The following ERICH1 variants were observed in gnomAD, a reference collection of about 807,000 sequenced individuals.
ERICH1 encodes glutamate rich 1.
Under a neutral mutation model 39.6 loss-of-function variants are expected in ERICH1, and 56 were observed. The observed-to-expected ratio is 1.41, with a 90% CI of 1.14 to 1.77. The LOEUF (loss-of-function observed/expected upper bound fraction) is 1.77. Among genes scored for constraint, ERICH1 ranks in the 40% most tolerant of loss-of-function variants. The probability of loss-of-function intolerance (pLI) is 0.00; values close to 1 mark genes in which losing one functional copy is unlikely to be tolerated. For synonymous variants in ERICH1, 313 were observed against 223.6 expected (o/e 1.40, Z -3.57); for missense variants, 826 against 575.4 (o/e 1.44, Z -4.45).
At chr8:696,795 A>C (rs1461198646) in intron 2 of ERICH1, among the ~76,000 whole-genome samples, 7 of 58,324 alleles carry the variant, frequency 1.2e-4, no homozygotes, top group Non-Finnish European at 1.7e-4. Context: ...CGCTCCTCTC[A>C]CCCTCCACTC....
chr8:729,642 G>T (rs886374364), intron 1 of ERICH1, among the ~76,000 whole-genome samples: 1 of 151,994 alleles, frequency 6.6e-6, no homozygotes, highest in East Asian at 1.9e-4. Flanking sequence ...ATAAACTTTT[G>T]GGATTTATTA....
rs184117233 is a variant in ERICH1 at position 704,221 on chromosome 8, C to T, written c.170-11609G>A. Among the ~76,000 whole-genome samples the T allele has an allele frequency of 2.4e-4, 36 of 152,274 alleles. No homozygotes were observed. In the South Asian group the frequency reaches 3.5e-3, roughly 15 times the overall value. On this transcript the variant is annotated intron_variant, in intron 2 of 5. Coordinates refer to ENST00000262109, the MANE Select transcript of ERICH1 (RefSeq NM_207332.3). ...AAACCATTTTTCAGGAAGTTACTAACGAACGCATTTCAACAAAATGGAAGC... is the reference window on the plus strand; with the variant it reads ...AAACCATTTTTCAGGAAGTTACTAATGAACGCATTTCAACAAAATGGAAGC...
Position 624,382 on chromosome 8 carries a change from T to C in ERICH1, c.977-9098A>G, listed in dbSNP as rs11784943. Among the ~76,000 whole-genome samples the C allele has an allele frequency of 8.3e-3, 1,262 of 152,090 alleles. 6 individuals are homozygous for C. The highest frequency in any genetic ancestry group is 0.011 in the Non-Finnish European group (768 of 68,002). ...ATTTCCCAAAAAGGTGAACACAGAG[T>C]CACCACACGAACCTGCAGTTCTACT... On this transcript the variant is annotated intron_variant, in intron 3 of 3. Transcript: ENST00000522706.
intron 2 of ERICH1, among the ~76,000 whole-genome samples, chr8:704,429 G>A (rs924615483): frequency 1.3e-5 from 2 of 152,138 alleles, no homozygotes; most frequent in African/African-American, 4.8e-5. Context: ...CAAGGACAGG[G>A]AGGTGAGGGG....
intron 3 of ERICH1, chr8:615,309 C>G (rs548563473): frequency 4.6e-5 from 30 of 656,708 alleles, no homozygotes; most frequent in Non-Finnish European, 7.3e-5. Context: ...TAAGGGAGAT[C>G]AGTTGTGTTC....
intron 2 of ERICH1, 118 bp downstream of exon 2, chr8:715,743 C>G: frequency 7.4e-7 from 1 of 1,356,132 alleles, no homozygotes; most frequent in African/African-American, 1.5e-5. Flanking sequence ...GCTGCAGGCC[C>G]TCTGCAGACC....
chr8:622,956 C>CAAAAAATAAATA lies in ERICH1; in HGVS notation c.977-7673_977-7672insTATTTATTTTTT, dbSNP rs71528608. On this transcript the variant is annotated intron_variant, in intron 3 of 3. Coordinates refer to the ERICH1 transcript ENST00000522706. ...CTGGGCAACAGAGGAGATCCGCTCT[C>CAAAAAATAAATA]AATAAATAAATAAATAAATAAATAA... Among the ~76,000 whole-genome samples the CAAAAAATAAATA allele has an allele frequency of 9.7e-4, 140 of 143,944 alleles. 2 individuals are homozygous for CAAAAAATAAATA. Among genetic ancestry groups the CAAAAAATAAATA allele is most frequent in the African/African-American group, 3.5e-3 (133 of 38,416 alleles). The allele number at this position is 143,944 out of a possible 152,430, so 94.4% of individuals were successfully genotyped here.
intron 3 of ERICH1, among the ~76,000 whole-genome samples, chr8:624,096 A>C (rs941890582): frequency 2.0e-5 from 3 of 152,260 alleles, no homozygotes; most frequent in African/African-American, 4.8e-5. Context: ...TTGAATAGAC[A>C]TGGTTTTAAA....
At chr8:616,470 C>G (rs950131144) in intron 3 of ERICH1, 5 of 454,132 alleles carry the variant, frequency 1.1e-5, no homozygotes, top group Admixed American at 4.7e-5. Context: ...CGCTGGCCAA[C>G]AAACCCAGAC....
chr8:716,423 G>C (rs574106456), intron 1 of ERICH1, among the ~76,000 whole-genome samples: 250 of 152,378 alleles, frequency 1.6e-3, no homozygotes, highest in Non-Finnish European at 2.9e-3. Context: ...CTTGGAGCCA[G>C]GTGAGTGAAT....
At chr8:679,198 G>A (rs1453230469) in intron 3 of ERICH1, among the ~76,000 whole-genome samples, 2 of 53,394 alleles carry the variant, frequency 3.7e-5, no homozygotes, top group African/African-American at 6.8e-5. Context: ...CAAAGCTCCA[G>A]TCCCTCTCAG....
intron 3 of ERICH1, among the ~76,000 whole-genome samples, chr8:652,223 C>T (rs566733879): frequency 1.3e-5 from 2 of 152,208 alleles, no homozygotes; most frequent in Non-Finnish European, 2.9e-5. Context: ...ACCTTACTTC[C>T]GGTGGCAGGA....
intron 3 of ERICH1, among the ~76,000 whole-genome samples, chr8:619,783 T>C (rs1367651173): frequency 6.6e-6 from 1 of 152,200 alleles, no homozygotes; most frequent in East Asian, 1.9e-4. Context: ...ATGAAGTCTA[T>C]GGAATTGAAC....
At chr8:682,446 G>C (rs546616453) in intron 3 of ERICH1, among the ~76,000 whole-genome samples, 2 of 152,272 alleles carry the variant, frequency 1.3e-5, no homozygotes, top group East Asian at 3.9e-4. Flanking sequence ...TTACCCTGTT[G>C]CACTGTGACT....
chr8:640,014 C>T (rs1229275307), intron 3 of ERICH1, among the ~76,000 whole-genome samples: 1 of 152,174 alleles, frequency 6.6e-6, no homozygotes, highest in Non-Finnish European at 1.5e-5. Context: ...CCTGTGTGTG[C>T]CCGTGACATG....
At chr8:709,535 T>G (rs1321774556) in intron 2 of ERICH1, among the ~76,000 whole-genome samples, 1 of 152,226 alleles carries the variant, frequency 6.6e-6, no homozygotes, top group Non-Finnish European at 1.5e-5. Flanking sequence ...CTTTTACCCT[T>G]TGAGACTAGG....
intron 2 of ERICH1, among the ~76,000 whole-genome samples, chr8:712,027 G>A (rs189091284): frequency 1.2e-4 from 18 of 152,240 alleles, no homozygotes; most frequent in East Asian, 9.6e-4. Context: ...CCAAAAATAC[G>A]CTGTCTTGAT....
chr8:728,640 T>G (rs1322825613), intron 1 of ERICH1, among the ~76,000 whole-genome samples: 1 of 152,210 alleles, frequency 6.6e-6, no homozygotes, highest in Non-Finnish European at 1.5e-5. Context: ...GAGGCCATAG[T>G]GCCCTTCCCC....
chr8:687,389 C>T lies in ERICH1; in HGVS notation c.304+5089G>A, dbSNP rs542493727. On this transcript the variant is annotated intron_variant, in intron 3 of 5. Coordinates refer to ENST00000262109, the MANE Select transcript of ERICH1 (RefSeq NM_207332.3). ...AATTCCACCAGGCGCCAGGATAAGG[C>T]TCCTCGGGGAATAAAAAGCCGGCAA... Among the ~76,000 whole-genome samples, 26 of 152,352 alleles carry T rather than the reference C, an allele frequency of 1.7e-4. No homozygotes were observed. In the East Asian group the frequency reaches 4.8e-3, roughly 28 times the overall value.
Sources: allele counts gnomAD v4.1 joint callset (sites outside exome capture counted in the v4.1 genomes callset), GRCh38; gene constraint gnomAD v4.1.1; transcripts MANE v1.5; gene names NCBI Gene and HGNC (gene_info 2026-07-23, HGNC 2026-07-21).